OSBPL6: variants seen among roughly 807,000 people sequenced by gnomAD.
OSBPL6 encodes oxysterol-binding protein-related protein 6.
A neutral mutation model predicts 125.8 loss-of-function variants in OSBPL6; 49 were observed. That is an observed-to-expected ratio of 0.39 (90% CI 0.31 to 0.49). OSBPL6 has a LOEUF of 0.49. OSBPL6 is among the 20% of genes least tolerant of loss of function. The pLI is 0.88. For missense variants in OSBPL6, 986 were observed against 1,135.4 expected, an observed-to-expected ratio of 0.87 and a Z score of 1.89; for synonymous variants, 394 against 391.8, an observed-to-expected ratio of 1.01 and a Z score of -0.07.
chr2:178,355,254 G>C (rs1009437923), intron 12 of OSBPL6, among the ~76,000 whole-genome samples: 1 of 151,734 alleles, frequency 6.6e-6, no homozygotes, highest in Non-Finnish European at 1.5e-5. Flanking sequence ...AACTGAAAGA[G>C]ATAGAGACAC....
intron 2 of OSBPL6, among the ~76,000 whole-genome samples, chr2:178,301,193 C>T (rs142242172): frequency 2.0e-4 from 30 of 151,720 alleles, no homozygotes; most frequent in Admixed American, 3.3e-4. Context: ...GAGATGATAT[C>T]AGATAAAGCA....
intron 15 of OSBPL6, among the ~76,000 whole-genome samples, chr2:178,375,582 C>T (rs185348939): frequency 6.6e-6 from 1 of 152,196 alleles, no homozygotes; most frequent in Admixed American, 6.5e-5. Flanking sequence ...ACCTCCACGC[C>T]CTGCTAATTT....
chr2:178,215,321 T>C (rs1294732376), intron 1 of OSBPL6, among the ~76,000 whole-genome samples: 1 of 152,198 alleles, frequency 6.6e-6, no homozygotes, highest in Non-Finnish European at 1.5e-5. Context: ...GAATCAGTAA[T>C]AAAATTCTGG....
intron 2 of OSBPL6, among the ~76,000 whole-genome samples, chr2:178,305,215 T>C (rs1686652485): frequency 6.6e-6 from 1 of 152,216 alleles, no homozygotes; most frequent in Non-Finnish European, 1.5e-5. Context: ...TTGGGAAATA[T>C]CATTTTTTAA....
intron 1 of OSBPL6, among the ~76,000 whole-genome samples, chr2:178,219,435 C>T (rs989362446): frequency 8.5e-5 from 13 of 152,144 alleles, no homozygotes; most frequent in African/African-American, 3.1e-4. Context: ...ACTATCTGGC[C>T]TAAGGGTATT....
chr2:178,387,007 A>C (rs1694998955), intron 19 of OSBPL6, 54 bp from the exon 20 acceptor site: 1 of 1,175,164 alleles, frequency 8.5e-7, no homozygotes, highest in Non-Finnish European at 1.2e-6. Flanking sequence ...TTTTTATAGA[A>C]GAGGTGATTA....
chr2:178,299,715 T>C (rs938908519), intron 2 of OSBPL6, among the ~76,000 whole-genome samples: 5 of 152,334 alleles, frequency 3.3e-5, no homozygotes, highest in Non-Finnish European at 2.9e-5. Context: ...AATAAGTGTT[T>C]TACAATATTT....
intron 2 of OSBPL6, 140 bp downstream of exon 2, chr2:178,285,261 A>C (rs1032689773): frequency 2.6e-6 from 1 of 392,010 alleles, no homozygotes; most frequent in Non-Finnish European, 4.5e-6. Flanking sequence ...TCAGATCTTA[A>C]AATAATATGT....
chr2:178,369,549 G>C (rs1367625233), intron 13 of OSBPL6, among the ~76,000 whole-genome samples: 3 of 152,148 alleles, frequency 2.0e-5, no homozygotes, highest in Non-Finnish European at 4.4e-5. Context: ...TTAGCCCTGA[G>C]ATCAAGAGAA....
chr2:178,292,357 A>G (rs1685364137), intron 2 of OSBPL6, among the ~76,000 whole-genome samples: 1 of 152,176 alleles, frequency 6.6e-6, no homozygotes, highest in Admixed American at 6.6e-5. Context: ...TAATGACAGG[A>G]ACTACTGTTG....
At chr2:178,216,309 C>T (rs1466702359) in intron 1 of OSBPL6, among the ~76,000 whole-genome samples, 2 of 151,986 alleles carry the variant, frequency 1.3e-5, no homozygotes, top group Non-Finnish European at 2.9e-5. Flanking sequence ...GGTTTTTGGC[C>T]CTGAATATAC....
intron 1 of OSBPL6, among the ~76,000 whole-genome samples, chr2:178,219,288 A>G (rs1375303790): frequency 9.9e-5 from 15 of 152,222 alleles, no homozygotes; most frequent in African/African-American, 3.6e-4. Context: ...TGGAGTAGGT[A>G]TTTCTATCCC....
At chr2:178,309,224 C>A (rs1456594169) in intron 3 of OSBPL6, among the ~76,000 whole-genome samples, 1 of 152,060 alleles carries the variant, frequency 6.6e-6, no homozygotes, top group Non-Finnish European at 1.5e-5. Flanking sequence ...CTTTTATAGA[C>A]CTTTTTGACA....
intron 3 of OSBPL6, among the ~76,000 whole-genome samples, chr2:178,316,963 TTTAAGAA>T (rs1687789302): frequency 6.6e-6 from 1 of 152,134 alleles, no homozygotes. Context: ...TTATTTTGTT[TTTAAGAA>T]TTGAGTGTGT....
intron 11 of OSBPL6, among the ~76,000 whole-genome samples, chr2:178,343,386 CAAAAA>C (rs1559270361): frequency 6.7e-6 from 1 of 149,690 alleles, no homozygotes; most frequent in African/African-American, 2.5e-5. Context: ...GACCCTATCT[CAAAAA>C]AGAAAAAAAA....
chr2:178,331,952 C>T (rs977351065), intron 6 of OSBPL6, among the ~76,000 whole-genome samples: 5 of 152,158 alleles, frequency 3.3e-5, no homozygotes, highest in African/African-American at 9.7e-5. Context: ...TGTCAATGTC[C>T]TTTTAAAAAC....
intron 1 of OSBPL6, among the ~76,000 whole-genome samples, chr2:178,277,906 T>C (rs1034395006): frequency 6.6e-6 from 1 of 152,192 alleles, no homozygotes; most frequent in Admixed American, 6.5e-5. Context: ...GGCTCTCCTG[T>C]TCTGAACTTC....
chr2:178,392,346 T>TA lies in OSBPL6; in HGVS notation c.2447-64dup. ...TTAGTGTAGGTACTAAGTACTAGGG[T>TA]AAGTCAGCTTCTTCCAGTTCCATAA... On this transcript the variant is annotated intron_variant, in intron 22 of 24. Transcript: ENST00000190611. 8.9e-6 allele frequency: 14 copies of TA among 1,566,676 alleles called. No homozygotes were observed. In the South Asian group the frequency reaches 1.5e-4, roughly 16 times the overall value.
intron 11 of OSBPL6, among the ~76,000 whole-genome samples, chr2:178,348,865 A>G (rs1159205508): frequency 6.6e-6 from 1 of 152,256 alleles, no homozygotes; most frequent in Non-Finnish European, 1.5e-5. Context: ...CTGTAAGAGA[A>G]GGTCAGCTAC....
Sources: gnomAD v4.1 joint callset for allele counts (sites outside exome capture counted in the v4.1 genomes callset) on GRCh38, gnomAD v4.1.1 for gene constraint, MANE v1.5 for transcripts, NCBI Gene and HGNC (gene_info 2026-07-23, HGNC 2026-07-21) for gene names.